Variants in FTO observed in about 807,000 individuals in gnomAD.
FTO encodes the protein FTO alpha-ketoglutarate dependent dioxygenase.
A neutral mutation model predicts 63.9 loss-of-function variants in FTO; 47 were observed. The observed-to-expected ratio is 0.74, with a 90% CI of 0.58 to 0.94. The LOEUF (loss-of-function observed/expected upper bound fraction) is 0.94, where lower values mean the gene tolerates loss of function less well. Ranked by LOEUF, FTO falls within the 40% of genes least tolerant of loss-of-function variation. The probability of loss-of-function intolerance (pLI) is 0.00; values close to 1 mark genes in which losing one functional copy is unlikely to be tolerated. For missense variants in FTO, 562 were observed against 618.1 expected (o/e 0.91, Z 0.96); for synonymous variants, 207 against 224.4 (o/e 0.92, Z 0.69).
chr16:54,089,754 A>G (rs2086335258), intron 8 of FTO, among the ~76,000 whole-genome samples: 1 of 152,210 alleles, frequency 6.6e-6, no homozygotes, highest in Non-Finnish European at 1.5e-5. Context: ...AAGAAGATAT[A>G]TAAATGGCAA....
At chr16:54,063,120 G>C (rs1233474893) in intron 8 of FTO, among the ~76,000 whole-genome samples, 12 of 152,096 alleles carry the variant, frequency 7.9e-5, no homozygotes, top group Admixed American at 7.9e-4. Flanking sequence ...TCTTTTTGTT[G>C]GTAAGTTCAG....
Position 53,815,427 on chromosome 16 carries a change from G to GACACTGCCTCAACT in FTO, c.123+5212_123+5225dup, listed in dbSNP as rs1017701977. 4.6e-5 allele frequency among the ~76,000 whole-genome samples: 7 copies of GACACTGCCTCAACT among 152,038 alleles called. No individual in the cohort carries two copies. In the East Asian group the frequency reaches 9.7e-4, roughly 21 times the overall value. On this transcript the variant is annotated intron_variant, in intron 2 of 8. Coordinates refer to ENST00000471389, the MANE Select transcript of FTO (RefSeq NM_001080432.3). ...TTGTTTTTTCTTTTTCCATCCCACA[G>GACACTGCCTCAACT]ACACTGCCTCAACTATGTAGGCCAC...
chr16:54,047,086 G>A (rs1167539243), intron 8 of FTO, among the ~76,000 whole-genome samples: 1 of 140,956 alleles, frequency 7.1e-6, no homozygotes, highest in Non-Finnish European at 1.5e-5. Flanking sequence ...AAAAGCAATG[G>A]CAACAAAAGC....
chr16:54,037,314 C>T (rs2084963715), intron 8 of FTO, among the ~76,000 whole-genome samples: 1 of 152,150 alleles, frequency 6.6e-6, no homozygotes, highest in South Asian at 2.1e-4. Context: ...AATGTATTTC[C>T]ACTGGACCAC....
chr16:54,002,930 G>T (rs2084102391), intron 8 of FTO, among the ~76,000 whole-genome samples: 1 of 152,160 alleles, frequency 6.6e-6, no homozygotes, highest in South Asian at 2.1e-4. Flanking sequence ...GGTCAGGTGG[G>T]CTCACCTTGG....
At chr16:54,038,063 G>C (rs1373645991) in intron 8 of FTO, among the ~76,000 whole-genome samples, 1 of 152,088 alleles carries the variant, frequency 6.6e-6, no homozygotes, top group East Asian at 1.9e-4. Flanking sequence ...ATATATTTTG[G>C]GCACAGCTGG....
intron 1 of FTO, among the ~76,000 whole-genome samples, chr16:53,767,426 C>T (rs950126037): frequency 6.6e-6 from 1 of 152,122 alleles, no homozygotes; most frequent in Non-Finnish European, 1.5e-5. Flanking sequence ...ATGGGTGCAG[C>T]ACACCAGCAT....
rs1433434155 is a variant in FTO at position 54,110,590 on chromosome 16, GAGA to G, written c.1365-1165_1365-1163del. Reference sequence around the variant, plus strand: ...TCCCCTCACCATTAATAATTCCCCAGAGAAGAAGATGTCTTTCAGTTAGGAACC... The same window carrying G: ...TCCCCTCACCATTAATAATTCCCCAGAGAAGATGTCTTTCAGTTAGGAACC... On this transcript the variant is annotated intron_variant, in intron 8 of 8. Coordinates refer to ENST00000471389, the MANE Select transcript of FTO (RefSeq NM_001080432.3). Among the ~76,000 whole-genome samples the G allele has an allele frequency of 2.6e-5, 4 of 152,322 alleles. No individual in the cohort carries two copies. The East Asian group carries it at 7.7e-4, about 29-fold the overall frequency.
At chr16:53,854,148 T>A (rs895473311) in intron 4 of FTO, among the ~76,000 whole-genome samples, 1 of 152,190 alleles carries the variant, frequency 6.6e-6, no homozygotes, top group African/African-American at 2.4e-5. Context: ...TCATGTCATT[T>A]GCCCACTTTT....
intron 1 of FTO, among the ~76,000 whole-genome samples, chr16:53,806,710 A>G (rs1487459931): frequency 2.0e-5 from 3 of 152,200 alleles, no homozygotes; most frequent in Admixed American, 1.3e-4. Context: ...TGTACAGTTC[A>G]GTGGTTTTTA....
chr16:53,822,312 C>G (rs1224817120), intron 2 of FTO, among the ~76,000 whole-genome samples: 2 of 152,178 alleles, frequency 1.3e-5, no homozygotes, highest in African/African-American at 4.8e-5. Flanking sequence ...TTCATACCTT[C>G]TTTTTCCTTC....
intron 4 of FTO, among the ~76,000 whole-genome samples, chr16:53,869,626 TC>T (rs1418385710): frequency 5.3e-5 from 8 of 151,898 alleles, no homozygotes; most frequent in African/African-American, 1.9e-4. Flanking sequence ...CAGAGATCTT[TC>T]ATCTGCCTTG....
In FTO at chr16:54,104,229, T is replaced by C. The variant is rs546610683; in HGVS notation, c.1365-7533T>C. On this transcript the variant is annotated intron_variant, in intron 8 of 8. Coordinates refer to ENST00000471389, the MANE Select transcript of FTO (RefSeq NM_001080432.3). The stretch of plus-strand genomic sequence containing the variant: ...TTGAGAGGATTGTTGCCCTATGACA[T>C]CATTATTTCCTGCTGATCTGGCAGG... Among the ~76,000 whole-genome samples the C allele has an allele frequency of 2.0e-5, 3 of 151,974 alleles. No individual in the cohort carries two copies. In the East Asian group the frequency reaches 5.8e-4, roughly 29 times the overall value.
chr16:53,975,668 C>CAA (rs11388323), intron 8 of FTO, among the ~76,000 whole-genome samples: 56 of 147,548 alleles, frequency 3.8e-4, no homozygotes, highest in East Asian at 7.8e-4. Context: ...CTACAGTCCT[C>CAA]AAAAAAAAAA....
chr16:53,760,229 TGTGTGTGTGTGTGTGTGTGTGTG>T (rs576197414), intron 1 of FTO, among the ~76,000 whole-genome samples: 6,058 of 67,730 alleles, frequency 0.089, 289 homozygotes, highest in Middle Eastern at 0.3. Flanking sequence ...TGTGTGTGTG[TGTGTGTGTGTGTGTGTGTGTGTG>T]TGTGTGTGTT....
intron 8 of FTO, chr16:54,063,772 AC>A (rs751249532): frequency 6.6e-6 from 1 of 150,652 alleles, no homozygotes; most frequent in South Asian, 2.1e-4. Context: ...AAGGTTTCAC[AC>A]AGGATGAGTC....
At chr16:53,760,853 C>T (rs1240858542) in intron 1 of FTO, among the ~76,000 whole-genome samples, 1 of 151,844 alleles carries the variant, frequency 6.6e-6, no homozygotes, top group African/African-American at 2.4e-5. Flanking sequence ...TCTGAAACTC[C>T]TGACCTCAAG....
At chr16:53,864,272 A>G (rs1347064081) in intron 4 of FTO, among the ~76,000 whole-genome samples, 1 of 152,184 alleles carries the variant, frequency 6.6e-6, no homozygotes, top group Non-Finnish European at 1.5e-5. Flanking sequence ...AGCAAAAGTC[A>G]TGATTGTTTC....
intron 8 of FTO, among the ~76,000 whole-genome samples, chr16:53,960,006 C>A (rs531942955): frequency 1.3e-5 from 2 of 152,210 alleles, no homozygotes; most frequent in South Asian, 4.2e-4. Context: ...GTTGGTTGAA[C>A]AGCCTTGAAA....
Sources: allele counts gnomAD v4.1 joint callset (sites outside exome capture counted in the v4.1 genomes callset), GRCh38; gene constraint gnomAD v4.1.1; transcripts MANE v1.5; gene names NCBI Gene and HGNC (gene_info 2026-07-23, HGNC 2026-07-21).